Variants in ZNF345 observed in about 807,000 individuals in gnomAD.
ZNF345 encodes the protein zinc finger protein 345.
For synonymous variants in ZNF345, 166 were observed against 187.9 expected, an observed-to-expected ratio of 0.88 and a Z score of 0.95; for missense variants, 527 against 589.9, an observed-to-expected ratio of 0.89 and a Z score of 1.10.
At chr19:36,855,685 C>A (rs764912597) in intron 2 of ZNF345, among the ~76,000 whole-genome samples, 2 of 152,010 alleles carry the variant, frequency 1.3e-5, no homozygotes, top group African/African-American at 2.4e-5. Context: ...CTCCTGACCT[C>A]AGGTGATACA....
chr19:36,861,004 A>C (rs986337652), intron 2 of ZNF345, among the ~76,000 whole-genome samples: 1 of 152,086 alleles, frequency 6.6e-6, no homozygotes. Flanking sequence ...GCATTCTACT[A>C]TAAAGAAGAG....
At chr19:36,888,248 A>G (rs1037681510) in intron 3 of ZNF345, 18 of 152,202 alleles carry the variant, frequency 1.2e-4, no homozygotes, top group Non-Finnish European at 2.1e-4. Flanking sequence ...TGTTTGATCA[A>G]AAGTTTGATA....
At chr19:36,859,228 C>G (rs2072492278) in intron 2 of ZNF345, among the ~76,000 whole-genome samples, 1 of 151,906 alleles carries the variant, frequency 6.6e-6, no homozygotes, top group South Asian at 2.1e-4. Flanking sequence ...GATCTCAGCT[C>G]ACTGCAGCCT....
rs1370880237 is a variant in ZNF345, at chr19:36,877,975, G to A, written c.1145G>A (p.Gly382Asp). ...CKECGKAFGS[G>D]SKLIQHQLIH... is the part of the protein sequence containing the mutation. ...GAATGTGGGAAGGCCTTTGGTAGTG[G>A]CTCAAAACTTATCCAACACCAGCTA... The change falls in exon 3 of 3, where the codon GGC (glycine) becomes GAC (aspartate). Residue 382 changes from glycine to aspartate, a missense_variant. By Grantham distance (94) the Gly-to-Asp change is moderately conservative. Coordinates refer to ENST00000420450, the MANE Select transcript of ZNF345 (RefSeq NM_001242472.2). The A allele has an allele frequency of 1.2e-6, 2 of 1,613,966 alleles. No individual in the cohort carries two copies. The highest frequency in any genetic ancestry group is 4.5e-5 in the East Asian group (2 of 44,870).
intron 3 of ZNF345, among the ~76,000 whole-genome samples, chr19:36,886,993 C>CAAA (rs57034209): frequency 0.018 from 734 of 40,776 alleles, 26 homozygotes; most frequent in African/African-American, 0.056. Flanking sequence ...GACTCCGTCT[C>CAAA]AAAAAAAAAA....
intron 2 of ZNF345, among the ~76,000 whole-genome samples, chr19:36,874,407 C>CCT (rs2072836830): frequency 6.6e-6 from 1 of 150,424 alleles, no homozygotes; most frequent in African/African-American, 2.4e-5. Flanking sequence ...GGCAGGAGGA[C>CCT]CACTTGAACC....
intron 2 of ZNF345, among the ~76,000 whole-genome samples, chr19:36,869,410 A>G (rs1034066283): frequency 2.6e-5 from 4 of 152,200 alleles, no homozygotes; most frequent in Non-Finnish European, 5.9e-5. Context: ...TATGTTCACC[A>G]GTAAGGAAGC....
At chr19:36,853,273 A>C (rs1265188965) in intron 2 of ZNF345, among the ~76,000 whole-genome samples, 1 of 133,458 alleles carries the variant, frequency 7.5e-6, no homozygotes, top group Non-Finnish European at 1.6e-5. Context: ...TTTGACTCGA[A>C]GTTTCGCTCT....
Position 36,891,533 on chromosome 19 carries a change from G to A in ZNF345, c.47-1285G>A, listed in dbSNP as rs556562482. 8.0e-5 allele frequency: 128 copies of A among 1,598,172 alleles called. No individual in the cohort carries two copies. Among genetic ancestry groups the A allele is most frequent in the Non-Finnish European group, 9.2e-5 (108 of 1,173,564 alleles). On this transcript the variant is annotated intron_variant, in intron 3 of 3. Transcript: ENST00000526123. The stretch of plus-strand genomic sequence containing the variant: ...CCCTCATGGCGAATGAGGTCAGAGC[G>A]ACTACCAAAAGCCTTTCCACATTCC...
chr19:36,853,170 T>C (rs2072323215), intron 2 of ZNF345, among the ~76,000 whole-genome samples: 1 of 151,674 alleles, frequency 6.6e-6, no homozygotes, highest in Non-Finnish European at 1.5e-5. Context: ...TAGTCTTGTT[T>C]AAGAAATTTT....
At chr19:36,856,666 G>A (rs1407315682) in intron 2 of ZNF345, among the ~76,000 whole-genome samples, 1 of 152,008 alleles carries the variant, frequency 6.6e-6, no homozygotes, top group Non-Finnish European at 1.5e-5. Context: ...GACCAGCCTG[G>A]ACAACACGGT....
At chr19:36,886,804 G>A (rs866481489) in intron 3 of ZNF345, among the ~76,000 whole-genome samples, 6 of 151,760 alleles carry the variant, frequency 4.0e-5, no homozygotes, top group Non-Finnish European at 8.8e-5. Context: ...TGGCTAACAC[G>A]GTGAAACCCC....
chr19:36,883,742 C>T (rs756247186), downstream of ZNF345, among the ~76,000 whole-genome samples: 1 of 152,188 alleles, frequency 6.6e-6, no homozygotes, highest in Non-Finnish European at 1.5e-5. Context: ...GAATCGTACG[C>T]TGAACCCTTT....
At chr19:36,856,093 G>A (rs1275217211) in intron 2 of ZNF345, among the ~76,000 whole-genome samples, 1 of 152,138 alleles carries the variant, frequency 6.6e-6, no homozygotes, top group Non-Finnish European at 1.5e-5. Context: ...ATACACATCA[G>A]GTGTTGAGAA....
At chr19:36,887,162 A>G (rs1360139738) in intron 3 of ZNF345, among the ~76,000 whole-genome samples, 1 of 151,058 alleles carries the variant, frequency 6.6e-6, no homozygotes, top group Non-Finnish European at 1.5e-5. Flanking sequence ...GCAAAACTCC[A>G]TCTCAAAAAA....
downstream of ZNF345, among the ~76,000 whole-genome samples, chr19:36,883,863 T>G (rs1356407088): frequency 1.3e-5 from 2 of 152,094 alleles, no homozygotes; most frequent in Non-Finnish European, 2.9e-5. Flanking sequence ...TTGCACTGAG[T>G]TAGAGAAACT....
At chr19:36,891,417 T>C (rs957610873) in intron 3 of ZNF345, 24 of 1,405,400 alleles carry the variant, frequency 1.7e-5, no homozygotes, top group Non-Finnish European at 1.9e-5. Context: ...ATAATATGTA[T>C]CCTAATTTGT....
intron 2 of ZNF345, among the ~76,000 whole-genome samples, chr19:36,872,352 G>A (rs2072787785): frequency 6.6e-6 from 1 of 152,176 alleles, no homozygotes. Flanking sequence ...ATTGTTGGAG[G>A]TGGGGCCTAA....
intron 3 of ZNF345, chr19:36,889,928 A>T (rs1317195499): frequency 6.6e-6 from 1 of 152,136 alleles, no homozygotes; most frequent in Non-Finnish European, 1.5e-5. Context: ...CTCTCTTAGC[A>T]CTGCTTTTGC....
Sources: allele counts gnomAD v4.1 joint callset (sites outside exome capture counted in the v4.1 genomes callset), GRCh38; gene constraint gnomAD v4.1.1; transcripts MANE v1.5; gene names NCBI Gene and HGNC (gene_info 2026-07-23, HGNC 2026-07-21).